CDK6: variants seen among roughly 807,000 people sequenced by gnomAD.
CDK6 encodes the protein cyclin-dependent kinase 6.
In CDK6, 6 loss-of-function variants were observed where a neutral mutation model predicts 37.1. The ratio of observed to expected loss-of-function variants is 0.16; its 90% CI spans 0.09 to 0.32. CDK6 has a LOEUF of 0.32. Ranked by LOEUF, CDK6 falls within the 10% of genes least tolerant of loss-of-function variation. CDK6 has a pLI of 1.00. For synonymous variants in CDK6, 160 were observed against 161.3 expected (o/e 0.99, Z 0.06); for missense variants, 224 against 418.9 (o/e 0.53, Z 4.06).
Position 92,605,854 on chromosome 7 carries a change from G to A in CDK6, c.*9286C>T, listed in dbSNP as rs1031865596. Reference sequence around the variant, plus strand: ...TGTGCTGCACCCACAGGGTGGACCCGACAGGCCACTGTGGTAACTCTCAAT... The same window carrying A: ...TGTGCTGCACCCACAGGGTGGACCCAACAGGCCACTGTGGTAACTCTCAAT... On this transcript the variant is annotated 3_prime_UTR_variant, in exon 8 of 8. Coordinates refer to ENST00000424848, the MANE Select transcript of CDK6 (RefSeq NM_001145306.2). 25 of 233,304 alleles carry A rather than the reference G, an allele frequency of 1.1e-4. No individual in the cohort carries two copies. The highest frequency in any genetic ancestry group is 4.9e-4 in the African/African-American group (22 of 45,324). 14.5% of individuals were successfully genotyped at this position (233,304 alleles called of 1,614,324 possible).
chr7:92,711,551 A>ATTTTTTTTTTT (rs1562943375), intron 4 of CDK6, among the ~76,000 whole-genome samples: 1 of 130,532 alleles, frequency 7.7e-6, no homozygotes, highest in African/African-American at 3.3e-5. Context: ...GGAATGGTCA[A>ATTTTTTTTTTT]ATTTTTTTTT....
chr7:92,777,072 T>G (rs1163300381), intron 2 of CDK6, among the ~76,000 whole-genome samples: 2 of 152,204 alleles, frequency 1.3e-5, no homozygotes, highest in Non-Finnish European at 2.9e-5. Flanking sequence ...CTTGAATTAC[T>G]TTTTGTATAA....
intron 2 of CDK6, among the ~76,000 whole-genome samples, chr7:92,824,143 G>GA (rs547758000): frequency 2.5e-4 from 34 of 134,610 alleles, no homozygotes; most frequent in East Asian, 8.5e-4. Context: ...GGAAGCAAAG[G>GA]AAAAAAAAAA....
chr7:92,759,713 A>AG (rs1261662769), intron 3 of CDK6, among the ~76,000 whole-genome samples: 14 of 151,394 alleles, frequency 9.2e-5, no homozygotes, highest in African/African-American at 3.4e-4. Flanking sequence ...AAAAAAAAAA[A>AG]AAAGAAAAAA....
intron 2 of CDK6, among the ~76,000 whole-genome samples, chr7:92,805,779 A>G (rs953047785): frequency 2.0e-5 from 3 of 152,200 alleles, no homozygotes; most frequent in African/African-American, 7.2e-5. Context: ...CCCCCCGTAC[A>G]ATAAAATCCC....
chr7:92,705,792 T>G (rs983181086), intron 4 of CDK6, among the ~76,000 whole-genome samples: 4 of 152,158 alleles, frequency 2.6e-5, no homozygotes, highest in African/African-American at 9.7e-5. Flanking sequence ...ACAAATGTTC[T>G]TAAAGACTAA....
intron 4 of CDK6, among the ~76,000 whole-genome samples, chr7:92,723,291 G>C (rs1323229607): frequency 6.6e-6 from 1 of 152,164 alleles, no homozygotes; most frequent in African/African-American, 2.4e-5. Context: ...GCTTTGCAAG[G>C]TAAGTAAAAT....
chr7:92,779,884 C>T (rs566422981), intron 2 of CDK6, among the ~76,000 whole-genome samples: 2 of 151,922 alleles, frequency 1.3e-5, no homozygotes, highest in Non-Finnish European at 2.9e-5. Context: ...ATTTATGATG[C>T]TTTTTTTTGT....
intron 4 of CDK6, 43 bp from the exon 5 acceptor site, chr7:92,671,578 G>GT: frequency 8.0e-7 from 1 of 1,257,226 alleles, no homozygotes; most frequent in Non-Finnish European, 1.1e-6. Flanking sequence ...GAAGGTGGCT[G>GT]TTGGCTTAGA....
intron 5 of CDK6, among the ~76,000 whole-genome samples, chr7:92,663,633 G>T (rs866776213): frequency 6.6e-6 from 1 of 151,566 alleles, no homozygotes; most frequent in East Asian, 1.9e-4. Flanking sequence ...CCCAGGAGGC[G>T]GAGGTTGCAG....
intron 5 of CDK6, among the ~76,000 whole-genome samples, chr7:92,648,421 A>G (rs1796498377): frequency 6.6e-6 from 1 of 152,248 alleles, no homozygotes. Flanking sequence ...GGGGTAGAGG[A>G]TAAGGCTGAA....
intron 2 of CDK6, among the ~76,000 whole-genome samples, chr7:92,779,336 G>A (rs999683923): frequency 1.4e-4 from 22 of 152,028 alleles, no homozygotes; most frequent in Non-Finnish European, 3.2e-4. Flanking sequence ...AAACCTTGGA[G>A]AAAAAAGGAC....
intron 5 of CDK6, among the ~76,000 whole-genome samples, chr7:92,667,949 C>T (rs1796995896): frequency 6.6e-6 from 1 of 152,114 alleles, no homozygotes; most frequent in Non-Finnish European, 1.5e-5. Context: ...TTAGTGTAGC[C>T]TAAGTGTACA....
At chr7:92,693,660 A>T (rs1234250773) in intron 4 of CDK6, among the ~76,000 whole-genome samples, 1 of 152,190 alleles carries the variant, frequency 6.6e-6, no homozygotes, top group Non-Finnish European at 1.5e-5. Context: ...ACTTGGATTG[A>T]AGGCTTTTAC....
At chr7:92,635,584 C>T (rs1279051216) in intron 5 of CDK6, among the ~76,000 whole-genome samples, 1 of 152,172 alleles carries the variant, frequency 6.6e-6, no homozygotes, top group African/African-American at 2.4e-5. Context: ...GGCTACCAAT[C>T]AAGAACAAAT....
rs187890128 is a variant in CDK6 at position 92,747,351 on chromosome 7, G to C, written c.370-21558C>G. On this transcript the variant is annotated intron_variant, in intron 3 of 7. Transcript: ENST00000424848. ...TCCTGTTGTAATTTCTCCTAAACGA[G>C]CACACTGCTACCAGATTAATCAGCT... 1.5e-3 allele frequency among the ~76,000 whole-genome samples: 231 copies of C among 152,148 alleles called. 2 individuals are homozygous for C. The highest frequency in any genetic ancestry group is 5.1e-3 in the African/African-American group (212 of 41,498).
At chr7:92,832,729 T>C (rs1234058896) in intron 2 of CDK6, among the ~76,000 whole-genome samples, 1 of 152,186 alleles carries the variant, frequency 6.6e-6, no homozygotes, top group African/African-American at 2.4e-5. Flanking sequence ...ACGAAAAATA[T>C]GCGGGGGCTA....
intron 2 of CDK6, among the ~76,000 whole-genome samples, chr7:92,817,574 C>T (rs953766827): frequency 7.9e-5 from 12 of 151,678 alleles, no homozygotes; most frequent in African/African-American, 2.7e-4. Context: ...ATAGTTTTCT[C>T]CTTATTATTG....
At chr7:92,746,977 C>G (rs778674913) in intron 3 of CDK6, among the ~76,000 whole-genome samples, 3 of 152,008 alleles carry the variant, frequency 2.0e-5, no homozygotes, top group Non-Finnish European at 2.9e-5. Context: ...TTTAAAAAAA[C>G]ACAGAATATT....
Sources: gnomAD v4.1 joint callset for allele counts (sites outside exome capture counted in the v4.1 genomes callset) on GRCh38, gnomAD v4.1.1 for gene constraint, MANE v1.5 for transcripts, NCBI Gene and HGNC (gene_info 2026-07-23, HGNC 2026-07-21) for gene names.